FAM156A: variants seen among roughly 807,000 people sequenced by gnomAD.
FAM156A encodes family with sequence similarity 156 member A, also known as protein FAM156A/FAM156B.
At chrX:52,981,013 T>A (rs1256735809) in intron 1 of FAM156A, among the ~76,000 whole-genome samples, 2 of 108,745 alleles carry the variant, frequency 1.8e-5, no homozygotes, top group Non-Finnish European at 3.8e-5. Context: ...TCTTTTTTTT[T>A]TTCTTTAAGA....
intron 1 of FAM156A, among the ~76,000 whole-genome samples, chrX:52,992,410 C>T (rs1261394318): frequency 9.0e-5 from 10 of 111,614 alleles, no homozygotes; most frequent in African/African-American, 3.3e-4. Flanking sequence ...TCTCCACAAA[C>T]AGGCCTGAGG....
intron 1 of FAM156A, among the ~76,000 whole-genome samples, chrX:52,979,747 T>C (rs1471859249): frequency 1.8e-5 from 2 of 111,832 alleles, no homozygotes; most frequent in Non-Finnish European, 3.8e-5. Flanking sequence ...ACACCCCAGC[T>C]GGCACTGAAA....
At chrX:52,974,637 G>A (rs1388226661) in intron 1 of FAM156A, among the ~76,000 whole-genome samples, 1 of 111,135 alleles carries the variant, frequency 9.0e-6, no homozygotes, top group African/African-American at 3.3e-5. Flanking sequence ...GACCTATGGA[G>A]CCATCTTAAG....
At chrX:52,974,507 T>C (rs1556791570) in intron 1 of FAM156A, among the ~76,000 whole-genome samples, 1 of 111,633 alleles carries the variant, frequency 9.0e-6, no homozygotes, top group Non-Finnish European at 1.9e-5. Flanking sequence ...AGGGTCTCAC[T>C]ATATTGCCCA....
Position 52,991,137 on chromosome X carries a change from G to A in FAM156A, c.-434+4169C>T, listed in dbSNP as rs1167390849. On this transcript the variant is annotated intron_variant, in intron 1 of 4. Coordinates refer to the FAM156A transcript ENST00000610625. ...TTCTCCCAAGAAACAGAACCAAAGA[G>A]GGGACTTGTTATGGGAATTGGCTCA... Among the ~76,000 whole-genome samples the A allele has an allele frequency of 2.7e-5, 3 of 111,738 alleles. No individual in the cohort carries two copies. The Admixed American group carries it at 2.8e-4, about 11-fold the overall frequency.
intron 1 of FAM156A, among the ~76,000 whole-genome samples, chrX:52,982,324 A>G (rs1929969629): frequency 9.0e-6 from 1 of 110,767 alleles, no homozygotes; most frequent in African/African-American, 3.3e-5. Flanking sequence ...CATGGTGATG[A>G]GCACCTGTAA....
chrX:52,991,771 A>C (rs1442389473), intron 1 of FAM156A, among the ~76,000 whole-genome samples: 1 of 109,996 alleles, frequency 9.1e-6, no homozygotes, highest in Non-Finnish European at 1.9e-5. Context: ...AAACACATCC[A>C]TGTCATTATT....
intron 1 of FAM156A, among the ~76,000 whole-genome samples, chrX:52,993,408 C>CTTTTTTTTTTTTTTTTTT (rs147840894): frequency 2.3e-5 from 1 of 42,592 alleles, no homozygotes. Context: ...TCTTAACTTT[C>CTTTTTTTTTTTTTTTTTT]TTTTTTTTTT....
At chrX:52,985,818 G>A (rs1486424236) in intron 1 of FAM156A, among the ~76,000 whole-genome samples, 1 of 110,661 alleles carries the variant, frequency 9.0e-6, no homozygotes, top group East Asian at 2.8e-4. Flanking sequence ...GCTCATGCCT[G>A]TAATCCCAGC....
At chrX:52,985,024 C>G (rs1325124872) in intron 1 of FAM156A, among the ~76,000 whole-genome samples, 2 of 110,937 alleles carry the variant, frequency 1.8e-5, no homozygotes, top group Non-Finnish European at 3.8e-5. Context: ...TATAGAAGAA[C>G]TGAATGACAC....
chrX:52,980,793 T>C (rs1929829398), intron 1 of FAM156A, among the ~76,000 whole-genome samples: 1 of 66,644 alleles, frequency 1.5e-5, no homozygotes, highest in African/African-American at 7.1e-5. Flanking sequence ...TGTGTGTGTG[T>C]GTGTGTGTGT....
At chrX:52,983,410 T>G (rs1556793784) in intron 1 of FAM156A, among the ~76,000 whole-genome samples, 2 of 110,877 alleles carry the variant, frequency 1.8e-5, no homozygotes, top group Non-Finnish European at 3.8e-5. Flanking sequence ...TTTAATTCCT[T>G]TTTTTGGCTT....
intron 1 of FAM156A, among the ~76,000 whole-genome samples, chrX:52,983,728 C>T (rs1556793850): frequency 2.7e-5 from 3 of 112,203 alleles, no homozygotes; most frequent in Non-Finnish European, 5.6e-5. Context: ...CCTGGCTGTG[C>T]TCCCACCCCA....
At chrX:52,990,852 A>G (rs1381246268) in intron 1 of FAM156A, among the ~76,000 whole-genome samples, 1 of 110,648 alleles carries the variant, frequency 9.0e-6, no homozygotes, top group African/African-American at 3.3e-5. Context: ...AAAAGAAAAG[A>G]AAAGATGCTG....
At chrX:52,982,848 C>T (rs1556793675) in intron 1 of FAM156A, among the ~76,000 whole-genome samples, 12 of 113,125 alleles carry the variant, frequency 1.1e-4, no homozygotes. Flanking sequence ...ATTTCACGAG[C>T]AGGCTGGAAA....
intron 1 of FAM156A, among the ~76,000 whole-genome samples, chrX:52,990,585 T>A: frequency 9.1e-6 from 1 of 110,030 alleles, no homozygotes; most frequent in Non-Finnish European, 1.9e-5. Context: ...GGAGTTCAAG[T>A]CCAGCCCGGC....
intron 1 of FAM156A, among the ~76,000 whole-genome samples, chrX:52,977,079 CAT>C (rs782659722): frequency 5.3e-4 from 51 of 95,463 alleles, no homozygotes; most frequent in Non-Finnish European, 8.2e-4. Flanking sequence ...TACATATATA[CAT>C]ATATATACAC....
chrX:52,977,173 C>T (rs1466912604), intron 1 of FAM156A, among the ~76,000 whole-genome samples: 1 of 105,989 alleles, frequency 9.4e-6, no homozygotes, highest in African/African-American at 3.5e-5. Context: ...GCACTAAAAA[C>T]ATCTGGCCCA....
intron 1 of FAM156A, among the ~76,000 whole-genome samples, chrX:52,983,155 A>T (rs1362588909): frequency 8.9e-6 from 1 of 112,383 alleles, no homozygotes; most frequent in African/African-American, 3.2e-5. Context: ...CGTGAGGCTG[A>T]GATGGGAGGA....
Sources: allele counts gnomAD v4.1 joint callset (sites outside exome capture counted in the v4.1 genomes callset), GRCh38; gene constraint gnomAD v4.1.1; transcripts MANE v1.5; gene names NCBI Gene and HGNC (gene_info 2026-07-23, HGNC 2026-07-21).